Variants in BCL2L13 observed in about 807,000 individuals in gnomAD.
The protein encoded by BCL2L13 is bcl-2-like protein 13.
Under a neutral mutation model 25.8 loss-of-function variants are expected in BCL2L13, and 13 were observed. The observed-to-expected ratio is 0.50, with a 90% CI of 0.33 to 0.80. The LOEUF (loss-of-function observed/expected upper bound fraction) is 0.80, where lower values mean the gene tolerates loss of function less well. BCL2L13 is among the 30% of genes least tolerant of loss of function. The pLI, the probability that BCL2L13 is intolerant of heterozygous loss-of-function variation, is 0.02. For synonymous variants in BCL2L13, 244 were observed against 230.3 expected, an observed-to-expected ratio of 1.06 and a Z score of -0.54; for missense variants, 504 against 574.9, an observed-to-expected ratio of 0.88 and a Z score of 1.26.
At chr22:17,629,246 T>A (rs2057953229) in intron 1 of BCL2L13, among the ~76,000 whole-genome samples, 1 of 152,138 alleles carries the variant, frequency 6.6e-6, no homozygotes, top group Non-Finnish European at 1.5e-5. Flanking sequence ...ACTATTCATG[T>A]CAACCTTGAT....
intron 6 of BCL2L13, among the ~76,000 whole-genome samples, chr22:17,720,469 G>A (rs1158758877): frequency 6.6e-6 from 1 of 152,086 alleles, no homozygotes; most frequent in Non-Finnish European, 1.5e-5. Context: ...TGATTCTCCT[G>A]CCTCAGCCTT....
At chr22:17,646,419 T>C (rs2058473767) in intron 1 of BCL2L13, among the ~76,000 whole-genome samples, 1 of 150,060 alleles carries the variant, frequency 6.7e-6, no homozygotes, top group Non-Finnish European at 1.5e-5. Flanking sequence ...AGGCTAATTT[T>C]TGTATTTTTA....
At chr22:17,686,963 A>G (rs2059960383) in intron 3 of BCL2L13, among the ~76,000 whole-genome samples, 2 of 152,214 alleles carry the variant, frequency 1.3e-5, no homozygotes, top group African/African-American at 4.8e-5. Flanking sequence ...ATTGAACCCC[A>G]TATTATCTAA....
Position 17,638,872 on chromosome 22 carries a change from A to AGGGGCC in BCL2L13, c.-64_-59dup, listed in dbSNP as rs1190152920. On this transcript the variant is annotated 5_prime_UTR_variant, in exon 1 of 7. Transcript: ENST00000317582. The stretch of plus-strand genomic sequence containing the variant: ...CCGCCTCTTTCATCTCTTCTGGGGC[A>AGGGGCC]GGGGCCAGGGCCAGGTGAGGGGAGT... 1.6e-6 allele frequency: 2 copies of AGGGGCC among 1,232,450 alleles called. No homozygotes were observed. Among genetic ancestry groups the AGGGGCC allele is most frequent in the African/African-American group, 1.6e-5 (1 of 64,408 alleles). 76.3% of individuals were successfully genotyped at this position (1,232,450 alleles called of 1,614,324 possible).
chr22:17,673,861 G>A lies in BCL2L13; in HGVS notation c.122-9353G>A, dbSNP rs142176554. Among the ~76,000 whole-genome samples, 27 of 151,944 alleles carry A rather than the reference G, an allele frequency of 1.8e-4. No homozygotes were observed. In the East Asian group the frequency reaches 3.3e-3, roughly 18 times the overall value. On this transcript the variant is annotated intron_variant, in intron 2 of 6. Transcript: ENST00000317582. Reference sequence around the variant, plus strand: ...TTTTTAAGTGTCTCCTCTCCCTAGCGAGGTTGCCATGTATACATAGAGAAT... The same window carrying A: ...TTTTTAAGTGTCTCCTCTCCCTAGCAAGGTTGCCATGTATACATAGAGAAT...
chr22:17,716,556 G>T (rs1343745863), intron 6 of BCL2L13, among the ~76,000 whole-genome samples: 1 of 152,140 alleles, frequency 6.6e-6, no homozygotes, highest in Non-Finnish European at 1.5e-5. Context: ...CGATAGAGAA[G>T]AAAGATTGAC....
At chr22:17,658,762 A>G (rs1351286788) in intron 2 of BCL2L13, among the ~76,000 whole-genome samples, 2 of 151,672 alleles carry the variant, frequency 1.3e-5, no homozygotes, top group South Asian at 2.1e-4. Flanking sequence ...ATGCTTGTAT[A>G]AAAAACATTA....
chr22:17,723,108 C>T (rs772565621), intron 6 of BCL2L13, among the ~76,000 whole-genome samples: 5 of 152,144 alleles, frequency 3.3e-5, no homozygotes, highest in Non-Finnish European at 7.4e-5. Flanking sequence ...CGGTTAGGAT[C>T]TCCATGTCTT....
intron 6 of BCL2L13, among the ~76,000 whole-genome samples, chr22:17,705,342 G>T (rs545725723): frequency 6.6e-6 from 1 of 150,640 alleles, no homozygotes; most frequent in South Asian, 2.1e-4. Flanking sequence ...GTGTCGCCCA[G>T]GCTGGAATGC....
intron 1 of BCL2L13, among the ~76,000 whole-genome samples, chr22:17,631,105 A>G (rs2058004395): frequency 7.0e-6 from 1 of 143,364 alleles, no homozygotes. Context: ...AAATCACTCA[A>G]TTTTTTTTTT....
chr22:17,654,096 T>C (rs2058772082), intron 1 of BCL2L13, among the ~76,000 whole-genome samples: 1 of 152,090 alleles, frequency 6.6e-6, no homozygotes, highest in Admixed American at 6.6e-5. Context: ...GAAAACTTTA[T>C]CTTCTATTTC....
intron 2 of BCL2L13, among the ~76,000 whole-genome samples, chr22:17,667,322 C>A (rs2059263067): frequency 6.6e-6 from 1 of 152,060 alleles, no homozygotes; most frequent in Non-Finnish European, 1.5e-5. Flanking sequence ...CAGGTGCCCA[C>A]CACTACGCCT....
chr22:17,666,543 A>C (rs1173167946), intron 2 of BCL2L13, among the ~76,000 whole-genome samples: 2 of 152,182 alleles, frequency 1.3e-5, no homozygotes, highest in East Asian at 1.9e-4. Flanking sequence ...CTCTGTGTCC[A>C]TGAGTTCAGT....
chr22:17,631,658 ATGTGTG>A (rs77231205), intron 1 of BCL2L13, among the ~76,000 whole-genome samples: 11,683 of 39,318 alleles, frequency 0.3, 1,737 homozygotes, highest in Middle Eastern at 0.44. Flanking sequence ...GTGTGTATGT[ATGTGTG>A]TGTGTGTATA....
At chr22:17,695,504 T>C (rs2060238060) in intron 4 of BCL2L13, among the ~76,000 whole-genome samples, 2 of 152,094 alleles carry the variant, frequency 1.3e-5, no homozygotes, top group Non-Finnish European at 2.9e-5. Context: ...TGTATTTTAG[T>C]AGAGACGGGG....
At chr22:17,675,091 CAT>C (rs1339350211) in intron 2 of BCL2L13, among the ~76,000 whole-genome samples, 1 of 124,894 alleles carries the variant, frequency 8.0e-6, no homozygotes, top group East Asian at 2.5e-4. Flanking sequence ...CACACACACA[CAT>C]ATATATACTA....
intron 3 of BCL2L13, among the ~76,000 whole-genome samples, chr22:17,686,237 C>A (rs9617608): frequency 0.019 from 2,883 of 151,936 alleles, 83 homozygotes; most frequent in African/African-American, 0.066. Flanking sequence ...TCACTTGAGG[C>A]CAGGAGTTTG....
chr22:17,656,889 G>C (rs903389955), intron 2 of BCL2L13, among the ~76,000 whole-genome samples: 1 of 152,030 alleles, frequency 6.6e-6, no homozygotes, highest in African/African-American at 2.4e-5. Context: ...CATGATTTTG[G>C]CTCACTGTAA....
chr22:17,700,280 G>A (rs1301125211), intron 5 of BCL2L13, among the ~76,000 whole-genome samples: 1 of 152,150 alleles, frequency 6.6e-6, no homozygotes, highest in Non-Finnish European at 1.5e-5. Flanking sequence ...TCTAGTGAAT[G>A]AGGCTTTTCA....
Sources: gnomAD v4.1 joint callset for allele counts (sites outside exome capture counted in the v4.1 genomes callset) on GRCh38, gnomAD v4.1.1 for gene constraint, MANE v1.5 for transcripts, NCBI Gene and HGNC (gene_info 2026-07-23, HGNC 2026-07-21) for gene names.